RBMS3: variants seen among roughly 807,000 people sequenced by gnomAD.
RBMS3 encodes the protein RNA-binding motif, single-stranded-interacting protein 3.
RBMS3 carries 27 observed loss-of-function variants against 66.8 expected under a neutral mutation model. The ratio of observed to expected loss-of-function variants is 0.40; its 90% CI spans 0.30 to 0.56. RBMS3 has a LOEUF of 0.56. RBMS3 is among the 20% of genes least tolerant of loss of function. The pLI is 0.40. For synonymous variants in RBMS3, 188 were observed against 183.0 expected (o/e 1.03, Z -0.22); for missense variants, 513 against 549.5 (o/e 0.93, Z 0.66).
chr3:29,959,140 T>C (rs544422485), intron 12 of RBMS3, among the ~76,000 whole-genome samples: 38 of 152,338 alleles, frequency 2.5e-4, no homozygotes, highest in African/African-American at 8.2e-4. Flanking sequence ...TTGCATGGAC[T>C]GTATGTATGG....
At chr3:29,514,650 C>CACATAT (rs1553614264) in intron 3 of RBMS3, among the ~76,000 whole-genome samples, 1 of 103,692 alleles carries the variant, frequency 9.6e-6, no homozygotes, top group Non-Finnish European at 1.8e-5. Context: ...GTGATAGGCA[C>CACATAT]ATATATATAT....
intron 4 of RBMS3, among the ~76,000 whole-genome samples, chr3:29,595,328 G>A (rs140324576): frequency 6.6e-6 from 1 of 151,576 alleles, no homozygotes; most frequent in African/African-American, 2.4e-5. Flanking sequence ...CAACCCGGGA[G>A]GTGGAGGTTG....
chr3:29,577,321 A>G (rs543131618), intron 3 of RBMS3, among the ~76,000 whole-genome samples: 1 of 152,322 alleles, frequency 6.6e-6, no homozygotes, highest in African/African-American at 2.4e-5. Context: ...CCCCTTAGGC[A>G]GAAGGAAGGA....
intron 1 of RBMS3, among the ~76,000 whole-genome samples, chr3:29,334,376 A>G (rs955987764): frequency 6.6e-6 from 1 of 152,132 alleles, no homozygotes; most frequent in Non-Finnish European, 1.5e-5. Flanking sequence ...AATTTTGATC[A>G]AGTGTTTTCT....
chr3:29,780,576 T>G (rs567658454), intron 6 of RBMS3, among the ~76,000 whole-genome samples: 1 of 152,292 alleles, frequency 6.6e-6, no homozygotes, highest in Non-Finnish European at 1.5e-5. Context: ...TTCTCTAAAT[T>G]TAACTCTTTA....
intron 3 of RBMS3, among the ~76,000 whole-genome samples, chr3:29,506,436 T>C (rs2044183627): frequency 6.6e-6 from 1 of 152,042 alleles, no homozygotes; most frequent in Non-Finnish European, 1.5e-5. Flanking sequence ...TTGCACTTGA[T>C]CATGGTGAAT....
At chr3:29,963,477 G>T (rs561400244) in intron 12 of RBMS3, among the ~76,000 whole-genome samples, 1 of 152,218 alleles carries the variant, frequency 6.6e-6, no homozygotes, top group African/African-American at 2.4e-5. Flanking sequence ...ACCACCTTTG[G>T]GAAATGTAGC....
chr3:29,721,382 T>C (rs994393663), intron 4 of RBMS3, among the ~76,000 whole-genome samples: 4 of 152,132 alleles, frequency 2.6e-5, no homozygotes, highest in Non-Finnish European at 4.4e-5. Context: ...TAATATTAAA[T>C]ATGTATTTTT....
intron 4 of RBMS3, among the ~76,000 whole-genome samples, chr3:29,672,208 A>G (rs2051033432): frequency 1.3e-5 from 2 of 152,226 alleles, no homozygotes; most frequent in African/African-American, 4.8e-5. Context: ...TGAAGGAGAA[A>G]TAAAATTCTT....
intron 1 of RBMS3, among the ~76,000 whole-genome samples, chr3:29,362,328 G>T (rs9829506): frequency 0.63 from 96,089 of 151,652 alleles, 30,535 homozygotes; most frequent in African/African-American, 0.69. Context: ...GACCCTGTTT[G>T]CCTGGGTATC....
intron 1 of RBMS3, among the ~76,000 whole-genome samples, chr3:29,380,792 T>TTCAC (rs1191766638): frequency 6.6e-6 from 1 of 152,186 alleles, no homozygotes; most frequent in African/African-American, 2.4e-5. Context: ...GAAGTAAATG[T>TTCAC]GTGATGATTG....
intron 4 of RBMS3, among the ~76,000 whole-genome samples, chr3:29,680,583 G>A (rs561390157): frequency 6.6e-6 from 1 of 152,292 alleles, no homozygotes; most frequent in African/African-American, 2.4e-5. Context: ...TTCATGAAGA[G>A]ATAGGCATAT....
chr3:29,708,427 G>T (rs1050581892), intron 4 of RBMS3, among the ~76,000 whole-genome samples: 1 of 152,178 alleles, frequency 6.6e-6, no homozygotes, highest in African/African-American at 2.4e-5. Flanking sequence ...CCAAATTATT[G>T]ACTGCTGCAG....
chr3:29,920,951 TA>T (rs1165756935), intron 10 of RBMS3, among the ~76,000 whole-genome samples: 3 of 152,100 alleles, frequency 2.0e-5, no homozygotes, highest in Non-Finnish European at 4.4e-5. Context: ...GGGTGCCGTG[TA>T]AAAAATACAT....
rs995681085 is a variant in RBMS3 at position 29,751,098 on chromosome 3, A to G, written c.557+11221A>G. Among the ~76,000 whole-genome samples the G allele has an allele frequency of 3.9e-5, 6 of 152,268 alleles. No individual in the cohort carries two copies. In the South Asian group the frequency reaches 1.0e-3, roughly 26 times the overall value. Reference sequence around the variant, plus strand: ...TGATAGGGAAGAGATTTAATACCCAATCAAGGGACCTAATAAAGACAACAT... The same window carrying G: ...TGATAGGGAAGAGATTTAATACCCAGTCAAGGGACCTAATAAAGACAACAT... On this transcript the variant is annotated intron_variant, in intron 5 of 14. Coordinates refer to ENST00000383767, the MANE Select transcript of RBMS3 (RefSeq NM_001003793.3).
chr3:29,370,834 T>G (rs1259452907), intron 1 of RBMS3, among the ~76,000 whole-genome samples: 3 of 152,216 alleles, frequency 2.0e-5, no homozygotes, highest in Non-Finnish European at 4.4e-5. Context: ...GAATTCAGTC[T>G]GGGCTGGAGT....
chr3:29,868,699 G>A (rs1256782389), intron 6 of RBMS3, among the ~76,000 whole-genome samples, 159 bp from the exon 7 acceptor site: 1 of 152,166 alleles, frequency 6.6e-6, no homozygotes, highest in Non-Finnish European at 1.5e-5. Context: ...AGTTAGAACA[G>A]CGGCCAACAG....
intron 4 of RBMS3, among the ~76,000 whole-genome samples, chr3:29,656,349 T>A (rs1183556440): frequency 2.0e-5 from 3 of 152,168 alleles, no homozygotes; most frequent in Non-Finnish European, 2.9e-5. Context: ...GATACACAAA[T>A]AAGTATCATT....
chr3:29,750,479 C>A (rs1282227001), intron 5 of RBMS3, among the ~76,000 whole-genome samples: 3 of 152,156 alleles, frequency 2.0e-5, no homozygotes, highest in Non-Finnish European at 2.9e-5. Context: ...CAAGACATAT[C>A]TGAATTTAAG....
Sources: gnomAD v4.1 joint callset for allele counts (sites outside exome capture counted in the v4.1 genomes callset) on GRCh38, gnomAD v4.1.1 for gene constraint, MANE v1.5 for transcripts, NCBI Gene and HGNC (gene_info 2026-07-23, HGNC 2026-07-21) for gene names.